The following NME7 variants were observed in gnomAD, a reference collection of about 807,000 sequenced individuals.
NME7 encodes the protein nucleoside diphosphate kinase 7.
NME7 carries 41 observed loss-of-function variants against 49.1 expected under a neutral mutation model. That is an observed-to-expected ratio of 0.83 (90% CI 0.65 to 1.08). The LOEUF is 1.08. Ranked by LOEUF, NME7 falls within the 50% of genes least tolerant of loss-of-function variation. NME7 has a pLI of 0.00. For synonymous variants in NME7, 139 were observed against 150.6 expected, an observed-to-expected ratio of 0.92 and a Z score of 0.56; for missense variants, 423 against 463.4, an observed-to-expected ratio of 0.91 and a Z score of 0.80.
intron 10 of NME7, among the ~76,000 whole-genome samples, chr1:169,215,591 G>C (rs12735021): frequency 6.6e-6 from 1 of 151,940 alleles, no homozygotes; most frequent in East Asian, 1.9e-4. Context: ...AAAAAGGAGA[G>C]GTGACTCATT....
At chr1:169,154,727 A>G (rs935051980) in intron 11 of NME7, among the ~76,000 whole-genome samples, 1 of 151,510 alleles carries the variant, frequency 6.6e-6, no homozygotes, top group Non-Finnish European at 1.5e-5. Flanking sequence ...GAACCCGGGA[A>G]GTGGAGGTTG....
At chr1:169,133,158 G>A (rs895277917) in intron 11 of NME7, among the ~76,000 whole-genome samples, 3 of 152,130 alleles carry the variant, frequency 2.0e-5, no homozygotes, top group African/African-American at 7.2e-5. Flanking sequence ...GTAAATTAAG[G>A]TTCATACCTT....
chr1:169,338,841 C>CA (rs1282133728), intron 1 of NME7, among the ~76,000 whole-genome samples: 1 of 152,088 alleles, frequency 6.6e-6, no homozygotes, highest in Non-Finnish European at 1.5e-5. Context: ...AATGACTTGG[C>CA]AAAAATGATG....
At position 169,177,366 on chromosome 1, in the gene NME7, C is replaced by T. The variant is rs144320907; in HGVS notation, c.991-7812G>A. Among the ~76,000 whole-genome samples, 172 of 152,188 alleles carry T rather than the reference C, an allele frequency of 1.1e-3. 1 individual carries two copies. The highest frequency in any genetic ancestry group is 3.8e-3 in the African/African-American group (158 of 41,494). On this transcript the variant is annotated intron_variant, in intron 10 of 11. Coordinates refer to ENST00000367811, the MANE Select transcript of NME7 (RefSeq NM_013330.5). ...TTATACTTGCTGGTCTATCTGGTTTCCTAGATACCTCTACTCCTAGTAAAC... is the reference window on the plus strand; with the variant it reads ...TTATACTTGCTGGTCTATCTGGTTTTCTAGATACCTCTACTCCTAGTAAAC...
chr1:169,221,788 G>A (rs1027247962), intron 10 of NME7, among the ~76,000 whole-genome samples: 1 of 151,818 alleles, frequency 6.6e-6, no homozygotes, highest in Non-Finnish European at 1.5e-5. Context: ...GCAGTGGTGC[G>A]ATCATGGCTC....
chr1:169,162,668 A>AC lies in NME7; in HGVS notation c.1098+6778dup, dbSNP rs569030594. 5.9e-3 allele frequency among the ~76,000 whole-genome samples: 901 copies of AC among 151,708 alleles called. 8 individuals carry two copies. The highest frequency in any genetic ancestry group is 0.02 in the African/African-American group (821 of 41,334). On this transcript the variant is annotated intron_variant, in intron 11 of 11. Transcript: ENST00000367811. ...AGACCAGCCTGGGCAACACGATGAG[A>AC]CCCCATCTTTACAAAAAAAAAATTA...
rs757210715 is a variant in NME7, at chr1:169,230,718, AG to A, written c.989del (p.Pro330LeufsTer36). The A allele has an allele frequency of 1.3e-6, 2 of 1,582,870 alleles. No homozygotes were observed. The highest frequency in any genetic ancestry group is 2.3e-5 in the South Asian group (2 of 86,432). Reference protein sequence around the residue: ...TFREFCGPADPEIARHLRPGT... With the variant: ...TFREFCGPADXEIARHLRPGT... ...GATAATATTTTAAACAATAACTTAC[AG>A]GATCAGCAGGTCCACAAAATTCTCG... On this transcript the variant is annotated frameshift_variant and splice_region_variant, in exon 10 of 12. Coordinates refer to ENST00000367811, the MANE Select transcript of NME7 (RefSeq NM_013330.5). LOFTEE classifies it high-confidence loss of function.
chr1:169,247,930 G>A (rs1558006032), intron 7 of NME7, among the ~76,000 whole-genome samples: 1 of 152,100 alleles, frequency 6.6e-6, no homozygotes, highest in Non-Finnish European at 1.5e-5. Flanking sequence ...ACTGTGAATT[G>A]TGTTGCAATA....
chr1:169,286,216 G>T (rs977983603), intron 7 of NME7: 1 of 152,042 alleles, frequency 6.6e-6, no homozygotes, highest in African/African-American at 2.4e-5. Context: ...AAATGATTTG[G>T]AGGAAATGCA....
intron 1 of NME7, among the ~76,000 whole-genome samples, chr1:169,336,181 C>T (rs568349259): frequency 2.1e-4 from 32 of 151,808 alleles, no homozygotes; most frequent in Non-Finnish European, 3.5e-4. Flanking sequence ...TCGTTCCTCC[C>T]GGTGGGCTCG....
intron 10 of NME7, among the ~76,000 whole-genome samples, chr1:169,190,201 G>GA (rs1377501592): frequency 6.6e-6 from 1 of 151,640 alleles, no homozygotes; most frequent in Non-Finnish European, 1.5e-5. Flanking sequence ...ATAAAAATTA[G>GA]AAAAAAATCA....
At chr1:169,349,805 A>G (rs1653086968) in intron 1 of NME7, among the ~76,000 whole-genome samples, 1 of 152,142 alleles carries the variant, frequency 6.6e-6, no homozygotes, top group Non-Finnish European at 1.5e-5. Context: ...TAAGAATGTA[A>G]CTGTATAAAA....
rs978252732 is a variant in NME7, at chr1:169,325,600, T to C, written c.4-1100A>G. The stretch of plus-strand genomic sequence containing the variant: ...TCATTATAATAAGCAAATAAAAGCA[T>C]AGGGAAGAAGGGAATCTAGGAGTTT... On this transcript the variant is annotated intron_variant, in intron 1 of 11. Coordinates refer to ENST00000367811, the MANE Select transcript of NME7 (RefSeq NM_013330.5). 5.3e-5 allele frequency among the ~76,000 whole-genome samples: 8 copies of C among 152,218 alleles called. No individual in the cohort carries two copies. The East Asian group carries it at 1.3e-3, about 26-fold the overall frequency.
At chr1:169,222,479 ATC>A (rs1284095284) in intron 10 of NME7, among the ~76,000 whole-genome samples, 1 of 152,196 alleles carries the variant, frequency 6.6e-6, no homozygotes, top group Non-Finnish European at 1.5e-5. Context: ...AAATAATGAA[ATC>A]TGTTTAAAAA....
chr1:169,328,593 C>CA (rs921464493), intron 1 of NME7, among the ~76,000 whole-genome samples: 45 of 151,680 alleles, frequency 3.0e-4, no homozygotes, highest in Non-Finnish European at 2.9e-4. Context: ...TTATGATGGA[C>CA]AAAAAAATGA....
At position 169,274,427 on chromosome 1, in the gene NME7, T is replaced by G. The variant is rs1472704825; in HGVS notation, c.754+12876A>C. Among the ~76,000 whole-genome samples the G allele has an allele frequency of 5.2e-5, 7 of 133,636 alleles. No individual in the cohort carries two copies. The East Asian group carries it at 1.4e-3, about 27-fold the overall frequency. 87.7% of individuals were successfully genotyped at this position (133,636 alleles called of 152,430 possible). A position where few individuals can be genotyped will look rare whatever the true frequency, so the allele number is the denominator to read the frequency against. ...CCCATTTTGTAGGTTGCCTGTTCAC[T>G]CTGATGGTAGTTTCTTTTGCTGTGC... On this transcript the variant is annotated intron_variant, in intron 7 of 11. Coordinates refer to ENST00000367811, the MANE Select transcript of NME7 (RefSeq NM_013330.5).
At chr1:169,266,363 C>T (rs145207240) in intron 7 of NME7, among the ~76,000 whole-genome samples, 1 of 130,702 alleles carries the variant, frequency 7.7e-6, no homozygotes, top group East Asian at 2.0e-4. Flanking sequence ...AGACAGGAAC[C>T]ACAGATGCAG....
chr1:169,154,759 G>A (rs2101826235), intron 11 of NME7, among the ~76,000 whole-genome samples: 1 of 150,364 alleles, frequency 6.7e-6, no homozygotes, highest in African/African-American at 2.4e-5. Flanking sequence ...GATCAAGCCA[G>A]TGCACTCCAG....
rs975212754 is a variant in NME7 at position 169,257,143 on chromosome 1, G to T, written c.755-19456C>A. Among the ~76,000 whole-genome samples the T allele has an allele frequency of 1.7e-3, 224 of 135,080 alleles. 28 individuals carry two copies. Among genetic ancestry groups the T allele is most frequent in the African/African-American group, 5.0e-3 (201 of 39,916 alleles). The allele number at this position is 135,080 out of a possible 152,430, so 88.6% of individuals were successfully genotyped here. ...TTTACCTAATCAAGCCTGAGCAATG[G>T]CGGGCGCCCCTCCCCCAGCCTCGCT... On this transcript the variant is annotated intron_variant, in intron 7 of 11. Transcript: ENST00000367811.
Sources: allele counts gnomAD v4.1 joint callset (sites outside exome capture counted in the v4.1 genomes callset), GRCh38; gene constraint gnomAD v4.1.1; transcripts MANE v1.5; gene names NCBI Gene and HGNC (gene_info 2026-07-23, HGNC 2026-07-21).